The following ATP2A2 variants were observed in gnomAD, a reference collection of about 807,000 sequenced individuals.
ATP2A2 encodes the protein sarcoplasmic/endoplasmic reticulum calcium ATPase 2.
ATP2A2 carries 14 observed loss-of-function variants against 109.3 expected under a neutral mutation model. The observed-to-expected ratio is 0.13, with a 90% confidence interval of 0.08 to 0.20. The LOEUF is 0.20. Ranked by LOEUF, ATP2A2 falls within the 10% of genes least tolerant of loss-of-function variation. The pLI, the probability that ATP2A2 is intolerant of heterozygous loss-of-function variation, is 1.00. For missense variants in ATP2A2, 657 were observed against 1,321.6 expected, an observed-to-expected ratio of 0.50 and a Z score of 7.80; for synonymous variants, 506 against 490.9, an observed-to-expected ratio of 1.03 and a Z score of -0.41.
chr12:110,348,132 C>T lies in ATP2A2; in HGVS notation c.*1662C>T. The stretch of plus-strand genomic sequence containing the variant: ...AGACTATTGCTAAAATGAGGGTTCG[C>T]AGCTGCCAGGAGTCATCCCAGAACA... On this transcript the variant is annotated 3_prime_UTR_variant, in exon 20 of 20. Coordinates refer to ENST00000539276, the MANE Select transcript of ATP2A2 (RefSeq NM_170665.4). 1.0e-6 allele frequency: 1 copy of T among 985,524 alleles called. No individual in the cohort carries two copies. The highest frequency in any genetic ancestry group is 1.2e-6 in the Non-Finnish European group (1 of 829,988). The allele number at this position is 985,524 out of a possible 1,614,324, so 61.0% of individuals were successfully genotyped here.
At position 110,292,275 on chromosome 12, in the gene ATP2A2, T is replaced by A. The variant is rs372098044; in HGVS notation, c.324+151T>A. On this transcript the variant is annotated intron_variant, in intron 4 of 19. Transcript: ENST00000539276. ...TGTATTTTCCCTTTATTCCATAAAT[T>A]AATTGTTTTCTGACACAGTCTCACT... The A allele has an allele frequency of 2.9e-5, 21 of 711,892 alleles. No homozygotes were observed. In the East Asian group the frequency reaches 5.7e-4, roughly 19 times the overall value. The allele number at this position is 711,892 out of a possible 1,614,324, so 44.1% of individuals were successfully genotyped here.
At chr12:110,312,849 C>CAAA (rs34180879) in intron 5 of ATP2A2, among the ~76,000 whole-genome samples, 3 of 66,182 alleles carry the variant, frequency 4.5e-5, no homozygotes, top group African/African-American at 5.8e-5. Context: ...GACTCTGTTG[C>CAAA]AAAAAAAAAA....
rs1880000173 is a variant in ATP2A2, at chr12:110,347,590, T to C, written c.*1120T>C. 1 of 1,237,222 alleles carries C rather than the reference T, an allele frequency of 8.1e-7. No individual in the cohort carries two copies. The highest frequency in any genetic ancestry group is 1.6e-5 in the African/African-American group (1 of 64,180). 76.6% of individuals were successfully genotyped at this position (1,237,222 alleles called of 1,614,324 possible). On this transcript the variant is annotated 3_prime_UTR_variant, in exon 20 of 20. Coordinates refer to ENST00000539276, the MANE Select transcript of ATP2A2 (RefSeq NM_170665.4). ...TGTATGTGTGTGTATGTGTGTGTTT[T>C]GTAAAATCTGTAAATAGCACATGAC...
intron 5 of ATP2A2, among the ~76,000 whole-genome samples, chr12:110,301,437 G>A (rs1874628202): frequency 6.6e-6 from 1 of 152,108 alleles, no homozygotes; most frequent in Non-Finnish European, 1.5e-5. Context: ...CTAATTAACT[G>A]TGAGAAACTT....
At chr12:110,292,398 C>G (rs187237877) in intron 4 of ATP2A2, among the ~76,000 whole-genome samples, 1 of 152,054 alleles carries the variant, frequency 6.6e-6, no homozygotes, top group Non-Finnish European at 1.5e-5. Flanking sequence ...TCCCAAGTAG[C>G]TGGGACTACA....
At chr12:110,294,225 A>T (rs1873712692) in intron 4 of ATP2A2, among the ~76,000 whole-genome samples, 1 of 151,810 alleles carries the variant, frequency 6.6e-6, no homozygotes, top group African/African-American at 2.4e-5. Flanking sequence ...TTGTACTTTT[A>T]ATAGAGACGG....
At chr12:110,318,712 G>GA (rs1876926679) in intron 5 of ATP2A2, among the ~76,000 whole-genome samples, 1 of 152,232 alleles carries the variant, frequency 6.6e-6, no homozygotes, top group Non-Finnish European at 1.5e-5. Flanking sequence ...GACCTCAGGT[G>GA]ATCTGCCTGT....
Position 110,349,842 on chromosome 12 carries a change from T to C in ATP2A2, c.*3372T>C. 1.9e-6 allele frequency: 2 copies of C among 1,042,816 alleles called. No individual in the cohort carries two copies. The highest frequency in any genetic ancestry group is 1.2e-6 in the Non-Finnish European group (1 of 864,484). The allele number at this position is 1,042,816 out of a possible 1,614,324, so 64.6% of individuals were successfully genotyped here. ...CTGAGGAGAATGATGCGGAGGAGTT[T>C]CCTCTCCAGGGCTAGGCAAGGCAGG... is the stretch of plus-strand genomic sequence containing the variant. On this transcript the variant is annotated 3_prime_UTR_variant, in exon 20 of 20. Coordinates refer to ENST00000539276, the MANE Select transcript of ATP2A2 (RefSeq NM_170665.4).
At position 110,349,071 on chromosome 12, in the gene ATP2A2, G is replaced by A; in HGVS notation, c.*2601G>A. The A allele has an allele frequency of 2.0e-6, 2 of 985,486 alleles. No homozygotes were observed. The highest frequency in any genetic ancestry group is 5.2e-4 in the Middle Eastern group (1 of 1,914). 61.0% of individuals were successfully genotyped at this position (985,486 alleles called of 1,614,324 possible). ...CTTCAGACCCCTCCAGCCCACAGAGGAGCCCATGGAGGGACCCACTTCCCT... is the reference window on the plus strand; with the variant it reads ...CTTCAGACCCCTCCAGCCCACAGAGAAGCCCATGGAGGGACCCACTTCCCT... On this transcript the variant is annotated 3_prime_UTR_variant, in exon 20 of 20. Coordinates refer to ENST00000539276, the MANE Select transcript of ATP2A2 (RefSeq NM_170665.4).
At chr12:110,293,864 G>GTGTA (rs1262234570) in intron 4 of ATP2A2, among the ~76,000 whole-genome samples, 40 of 84,858 alleles carry the variant, frequency 4.7e-4, no homozygotes, top group Middle Eastern at 6.8e-3. Flanking sequence ...GTGTGTGTGT[G>GTGTA]TATATATTTT....
In ATP2A2 at chr12:110,327,489, A is replaced by G. The variant is rs1877924372; in HGVS notation, c.631-64A>G. 3 of 1,493,448 alleles carry G rather than the reference A, an allele frequency of 2.0e-6. No homozygotes were observed. Among genetic ancestry groups the G allele is most frequent in the Admixed American group, 3.3e-5 (2 of 59,818 alleles). 92.5% of individuals were successfully genotyped at this position (1,493,448 alleles called of 1,614,324 possible). ...AATCTGGGTGCCCTAGTCAAAAACC[A>G]GCGTCGGTATTTAAGTTGGGATGTG... On this transcript the variant is annotated intron_variant, in intron 7 of 19. Transcript: ENST00000539276. The surrounding 1 kb of genome is among the most constrained non-coding windows in gnomAD (Gnocchi z 4.4).
chr12:110,333,914 G>A, intron 10 of ATP2A2, 98 bp from the exon 11 acceptor site: 3 of 1,519,722 alleles, frequency 2.0e-6, no homozygotes, highest in Non-Finnish European at 2.7e-6. Context: ...TGTTGTAATA[G>A]AGGACAGATT....
At chr12:110,291,717 C>T (rs1308043352) in intron 3 of ATP2A2, among the ~76,000 whole-genome samples, 1 of 146,750 alleles carries the variant, frequency 6.8e-6, no homozygotes, top group Non-Finnish European at 1.5e-5. Flanking sequence ...ACACTCACGG[C>T]TCACTGCAAC....
rs762693595 is a variant in ATP2A2 at position 110,339,443 on chromosome 12, G to T, written c.1542+40G>T. On this transcript the variant is annotated intron_variant, in intron 12 of 19. Coordinates refer to ENST00000539276, the MANE Select transcript of ATP2A2 (RefSeq NM_170665.4). The surrounding 1 kb of genome is among the most constrained non-coding windows in gnomAD (Gnocchi z 4.4). ...TTGCAATTGAGATGTTCTTGCCAGG[G>T]TTAAGATCCCGGTGAACCAATAAAA... The T allele has an allele frequency of 3.1e-6, 5 of 1,614,036 alleles. No individual in the cohort carries two copies. The African/African-American group carries it at 5.3e-5, about 17-fold the overall frequency.
chr12:110,345,468 A>C, intron 18 of ATP2A2, 86 bp downstream of exon 18: 1 of 1,570,424 alleles, frequency 6.4e-7, no homozygotes, highest in Non-Finnish European at 8.8e-7. Flanking sequence ...TTGATTGAGG[A>C]TCACAGGACA....
Position 110,348,691 on chromosome 12 carries a change from G to A in ATP2A2, c.*2221G>A. On this transcript the variant is annotated 3_prime_UTR_variant, in exon 20 of 20. Transcript: ENST00000539276. ...CTCAAACCAGCCTGGGCAACAGAGT[G>A]AGGCCCTGTCAAAAAAAAATCAGCC... The A allele has an allele frequency of 8.1e-6, 8 of 985,410 alleles. No homozygotes were observed. Among genetic ancestry groups the A allele is most frequent in the Non-Finnish European group, 9.6e-6 (8 of 829,970 alleles). The allele number at this position is 985,410 out of a possible 1,614,324, so 61.0% of individuals were successfully genotyped here.
At chr12:110,292,376 C>T (rs1873410569) in intron 4 of ATP2A2, among the ~76,000 whole-genome samples, 2 of 152,024 alleles carry the variant, frequency 1.3e-5, no homozygotes, top group South Asian at 2.1e-4. Flanking sequence ...AAGTGGTTCT[C>T]GTGCCTCAGC....
In ATP2A2 at chr12:110,349,713, G is replaced by C; in HGVS notation, c.*3243G>C. 2 of 1,006,412 alleles carry C rather than the reference G, an allele frequency of 2.0e-6. No individual in the cohort carries two copies. The highest frequency in any genetic ancestry group is 2.4e-6 in the Non-Finnish European group (2 of 841,196). The allele number at this position is 1,006,412 out of a possible 1,614,324, so 62.3% of individuals were successfully genotyped here. A position where few individuals can be genotyped will look rare whatever the true frequency, so the allele number is the denominator to read the frequency against. ...TCCAGGGCCAGAGCATACCACGTCT[G>C]CAGTGCCTGTGAGCAGAGCCAGCAG... On this transcript the variant is annotated 3_prime_UTR_variant, in exon 20 of 20. Transcript: ENST00000539276.
At chr12:110,308,293 T>G (rs1390815663) in intron 5 of ATP2A2, among the ~76,000 whole-genome samples, 1 of 152,234 alleles carries the variant, frequency 6.6e-6, no homozygotes, top group African/African-American at 2.4e-5. Flanking sequence ...CTTGTCTTAC[T>G]GATCGTAGGG....
Sources: allele counts gnomAD v4.1 joint callset (sites outside exome capture counted in the v4.1 genomes callset), GRCh38; gene constraint gnomAD v4.1.1; non-coding constraint Gnocchi (gnomAD v3.1); transcripts MANE v1.5; gene names NCBI Gene and HGNC (gene_info 2026-07-23, HGNC 2026-07-21).